EYS: variants seen among roughly 807,000 people sequenced by gnomAD.
The protein encoded by EYS is EGF-like photoreceptor maintenance factor, also known as protein eyes shut homolog.
EYS carries 250 observed loss-of-function variants against 282.1 expected under a neutral mutation model. The observed-to-expected ratio is 0.89, with a 90% CI of 0.80 to 0.98. EYS has a LOEUF of 0.98. EYS is among the 50% of genes least tolerant of loss of function. EYS has a pLI of 0.00. For missense variants in EYS, 4,016 were observed against 3,709.0 expected (o/e 1.08, Z -2.15); for synonymous variants, 1,355 against 1,282.9 (o/e 1.06, Z -1.20).
chr6:65,152,851 A>C (rs192625600), intron 12 of EYS, among the ~76,000 whole-genome samples: 22 of 151,678 alleles, frequency 1.5e-4, no homozygotes, highest in Non-Finnish European at 2.2e-4. Context: ...AAATATTTTC[A>C]TGGCTTTAGA....
At position 64,001,416 on chromosome 6, in the gene EYS, C is replaced by T. The variant is rs117419184; in HGVS notation, c.6726-2233G>A. ...AATTCAAAATCAAATACTCAAGTTG[C>T]GTTATTTTAAAAACTGAAACTCAAT... On this transcript the variant is annotated intron_variant, in intron 33 of 42. Coordinates refer to ENST00000503581, the MANE Select transcript of EYS (RefSeq NM_001142800.2). Among the ~76,000 whole-genome samples, 323 of 152,172 alleles carry T rather than the reference C, an allele frequency of 2.1e-3. 1 individual carries two copies. Among genetic ancestry groups the T allele is most frequent in the Non-Finnish European group, 2.5e-3 (167 of 68,000 alleles).
chr6:65,222,704 G>T (rs1766503264), intron 12 of EYS, among the ~76,000 whole-genome samples: 1 of 152,146 alleles, frequency 6.6e-6, no homozygotes, highest in Non-Finnish European at 1.5e-5. Context: ...TGCATAATTG[G>T]CCTACTTTGT....
chr6:65,294,918 C>A (rs545187305), intron 12 of EYS, among the ~76,000 whole-genome samples: 3 of 151,796 alleles, frequency 2.0e-5, no homozygotes, highest in Non-Finnish European at 4.4e-5. Flanking sequence ...AGAATTTTTG[C>A]GCTCAAATTT....
intron 28 of EYS, chr6:64,400,461 C>T (rs969486664): frequency 1.3e-5 from 2 of 152,008 alleles, no homozygotes; most frequent in Admixed American, 6.6e-5. Flanking sequence ...CTACGTAGGC[C>T]ATCAGGTTTT....
intron 29 of EYS, among the ~76,000 whole-genome samples, chr6:64,326,719 G>C (rs954774260): frequency 6.6e-6 from 1 of 152,152 alleles, no homozygotes; most frequent in Non-Finnish European, 1.5e-5. Flanking sequence ...GGCACTGCCA[G>C]GAGAGTTTCA....
chr6:63,979,713 G>A (rs901277997), intron 35 of EYS, among the ~76,000 whole-genome samples: 3 of 151,852 alleles, frequency 2.0e-5, no homozygotes, highest in Non-Finnish European at 4.4e-5. Context: ...TTTTAAGTCC[G>A]TAGAGATTTG....
intron 13 of EYS, among the ~76,000 whole-genome samples, chr6:65,022,149 T>A (rs1316010626): frequency 2.0e-5 from 3 of 152,232 alleles, no homozygotes; most frequent in Non-Finnish European, 4.4e-5. Context: ...TCCATTAGCA[T>A]CCAGATTTTC....
chr6:64,632,673 T>C (rs1767826940), intron 22 of EYS, among the ~76,000 whole-genome samples: 1 of 2,802 alleles, frequency 3.6e-4, no homozygotes, highest in Non-Finnish European at 2.1e-3. Flanking sequence ...TTTTTTAAAA[T>C]GTTATTTTTA....
intron 2 of EYS, among the ~76,000 whole-genome samples, chr6:65,537,930 A>T (rs771756156): frequency 5.9e-5 from 9 of 152,218 alleles, no homozygotes; most frequent in Non-Finnish European, 7.3e-5. Context: ...AGAATGATTA[A>T]GAGTCAAACT....
At chr6:65,432,064 T>G (rs556697236) in intron 5 of EYS, among the ~76,000 whole-genome samples, 2 of 152,182 alleles carry the variant, frequency 1.3e-5, no homozygotes, top group East Asian at 3.9e-4. Flanking sequence ...CTAAACCCAG[T>G]TAATTAAAAT....
At chr6:64,256,969 T>C (rs1767423576) in intron 30 of EYS, among the ~76,000 whole-genome samples, 1 of 152,068 alleles carries the variant, frequency 6.6e-6, no homozygotes, top group Non-Finnish European at 1.5e-5. Flanking sequence ...TCAGCACAAT[T>C]ATTTGTTTCT....
chr6:64,809,581 C>T (rs1013321105), intron 22 of EYS, among the ~76,000 whole-genome samples: 1 of 151,976 alleles, frequency 6.6e-6, no homozygotes, highest in Non-Finnish European at 1.5e-5. Context: ...TGCCCATCAA[C>T]AGCAGATCGA....
chr6:65,627,749 G>A (rs111411564), intron 2 of EYS, among the ~76,000 whole-genome samples: 42,690 of 152,148 alleles, frequency 0.28, 8,141 homozygotes, highest in African/African-American at 0.55. Flanking sequence ...TGCTGCGCTC[G>A]ATTTCTCACC....
intron 12 of EYS, among the ~76,000 whole-genome samples, chr6:65,092,411 C>A (rs1037865622): frequency 1.3e-5 from 2 of 152,046 alleles, no homozygotes; most frequent in Admixed American, 1.3e-4. Context: ...TTTACCAGCG[C>A]CTGAAAATCA....
In EYS at chr6:64,045,383, G is replaced by GT. The variant is rs747199148; in HGVS notation, c.6725+20954dup. Reference sequence around the variant, plus strand: ...ATTTTTTAATGTTTGGGTGAAACAAGTTTATTTTATTTTATTTTATTTTAT... The same window carrying GT: ...ATTTTTTAATGTTTGGGTGAAACAAGTTTTATTTTATTTTATTTTATTTTAT... On this transcript the variant is annotated intron_variant, in intron 33 of 42. Coordinates refer to ENST00000503581, the MANE Select transcript of EYS (RefSeq NM_001142800.2). Among the ~76,000 whole-genome samples the GT allele has an allele frequency of 8.0e-5, 11 of 137,540 alleles. No homozygotes were observed. The East Asian group carries it at 1.7e-3, about 21-fold the overall frequency. The allele number at this position is 137,540 out of a possible 152,430, so 90.2% of individuals were successfully genotyped here. A position where few individuals can be genotyped will look rare whatever the true frequency, so the allele number is the denominator to read the frequency against.
chr6:64,718,181 G>A lies in EYS; in HGVS notation c.3444-91936C>T, dbSNP rs78389011. ...ATGAATTCATCCCCGAGGAACACTAGGTGAATGCATAAAACCACTTAGCTG... is the reference window on the plus strand; with the variant it reads ...ATGAATTCATCCCCGAGGAACACTAAGTGAATGCATAAAACCACTTAGCTG... On this transcript the variant is annotated intron_variant, in intron 22 of 42. Coordinates refer to ENST00000503581, the MANE Select transcript of EYS (RefSeq NM_001142800.2). Among the ~76,000 whole-genome samples, 5 of 152,248 alleles carry A rather than the reference G, an allele frequency of 3.3e-5. No individual in the cohort carries two copies. The East Asian group carries it at 9.7e-4, about 29-fold the overall frequency.
rs934429673 is a variant in EYS, at chr6:65,388,400, C to T, written c.1185-3900G>A. On this transcript the variant is annotated intron_variant, in intron 7 of 42. Transcript: ENST00000503581. ...TGCTATATAATTAATAAATTAAAAC[C>T]GATAAAAGTGGAGGGAGAAATTGAG... Among the ~76,000 whole-genome samples, 6 of 151,584 alleles carry T rather than the reference C, an allele frequency of 4.0e-5. No homozygotes were observed. In the East Asian group the frequency reaches 5.8e-4, roughly 15 times the overall value.
intron 35 of EYS, among the ~76,000 whole-genome samples, chr6:63,889,098 A>G (rs1773342308): frequency 6.6e-6 from 1 of 152,206 alleles, no homozygotes; most frequent in Admixed American, 6.5e-5. Context: ...AGAAAAAAGA[A>G]TGGAAAGGAA....
chr6:64,016,361 A>G (rs1196147894), intron 33 of EYS, among the ~76,000 whole-genome samples: 1 of 152,166 alleles, frequency 6.6e-6, no homozygotes, highest in Admixed American at 6.6e-5. Context: ...AGGTGAGGAA[A>G]TTGAGGCACC....
Sources: gnomAD v4.1 joint callset for allele counts (sites outside exome capture counted in the v4.1 genomes callset) on GRCh38, gnomAD v4.1.1 for gene constraint, MANE v1.5 for transcripts, NCBI Gene and HGNC (gene_info 2026-07-23, HGNC 2026-07-21) for gene names.